Variants in PTP4A1 observed in about 807,000 individuals in gnomAD.
The protein encoded by PTP4A1 is protein tyrosine phosphatase type IVA 1.
A neutral mutation model predicts 20.5 loss-of-function variants in PTP4A1; 9 were observed. That is an observed-to-expected ratio of 0.44 (90% CI 0.26 to 0.77). PTP4A1 has a LOEUF of 0.77. PTP4A1 is among the 30% of genes least tolerant of loss of function. PTP4A1 has a pLI of 0.19. For missense variants in PTP4A1, 137 were observed against 218.8 expected (o/e 0.63, Z 2.36); for synonymous variants, 78 against 67.4 (o/e 1.16, Z -0.77).
At chr6:63,542,022 G>GGTGTGT (rs72091849) in intron 2 of PTP4A1, among the ~76,000 whole-genome samples, 4,615 of 146,774 alleles carry the variant, frequency 0.031, 148 homozygotes, top group East Asian at 0.14. Flanking sequence ...AAGAAACTGT[G>GGTGTGT]GTGTGTGTGT....
intron 1 of PTP4A1, among the ~76,000 whole-genome samples, chr6:63,526,177 T>C (rs1214430817): frequency 6.6e-6 from 1 of 151,902 alleles, no homozygotes; most frequent in African/African-American, 2.4e-5. Context: ...ATACAAAAAT[T>C]AGCTGGGCAT....
intron 2 of PTP4A1, among the ~76,000 whole-genome samples, chr6:63,530,584 T>A (rs1775409892): frequency 1.3e-5 from 2 of 152,118 alleles, no homozygotes; most frequent in African/African-American, 4.8e-5. Flanking sequence ...TTTGTGAACA[T>A]GGAGGCCCTT....
At chr6:63,575,484 T>A (rs1777793246) in intron 1 of PTP4A1, among the ~76,000 whole-genome samples, 1 of 152,210 alleles carries the variant, frequency 6.6e-6, no homozygotes, top group East Asian at 1.9e-4. Flanking sequence ...GGTTTAGTTC[T>A]TAAGGGGGAA....
chr6:63,578,126 A>G (rs1777990754), intron 2 of PTP4A1, among the ~76,000 whole-genome samples: 1 of 152,126 alleles, frequency 6.6e-6, no homozygotes, highest in South Asian at 2.1e-4. Context: ...TTTCATCCCA[A>G]TCCGGTATTA....
upstream of PTP4A1, among the ~76,000 whole-genome samples, chr6:63,569,612 C>G (rs1777333911): frequency 1.3e-5 from 2 of 152,182 alleles, no homozygotes; most frequent in Non-Finnish European, 2.9e-5. Context: ...CAACTGCTGG[C>G]TTTTATATTT....
intron 1 of PTP4A1, among the ~76,000 whole-genome samples, chr6:63,522,047 C>T (rs1462336958): frequency 6.6e-6 from 1 of 152,200 alleles, no homozygotes; most frequent in Admixed American, 6.5e-5. Flanking sequence ...CTTTTTCCCA[C>T]AGGCTTTGCC....
At chr6:63,555,700 T>C (rs974981303) in intron 3 of PTP4A1, among the ~76,000 whole-genome samples, 3 of 151,442 alleles carry the variant, frequency 2.0e-5, no homozygotes, top group Admixed American at 2.0e-4. Context: ...CTCTTTTTTT[T>C]TTTTTTTTTT....
At chr6:63,549,796 C>T (rs1776355845) in intron 2 of PTP4A1, among the ~76,000 whole-genome samples, 1 of 151,654 alleles carries the variant, frequency 6.6e-6, no homozygotes. Context: ...ACAGGGTATA[C>T]TAGAGGCTTG....
At chr6:63,568,357 T>C (rs1010245870), upstream of PTP4A1, among the ~76,000 whole-genome samples, 2 of 152,346 alleles carry the variant, frequency 1.3e-5, no homozygotes, top group East Asian at 3.9e-4. Flanking sequence ...AATTTCAGTA[T>C]TGCTGTGTCT....
intron 3 of PTP4A1, among the ~76,000 whole-genome samples, chr6:63,561,841 A>G (rs1230039348): frequency 6.6e-6 from 1 of 152,188 alleles, no homozygotes; most frequent in African/African-American, 2.4e-5. Flanking sequence ...ATCAGAACGA[A>G]AGTGATTATA....
intron 3 of PTP4A1, among the ~76,000 whole-genome samples, chr6:63,553,577 G>T (rs1776541173): frequency 6.6e-6 from 1 of 152,178 alleles, no homozygotes; most frequent in South Asian, 2.1e-4. Context: ...GCCTTGCCTG[G>T]ACATTAGCAC....
In PTP4A1 at chr6:63,581,824, T is replaced by G. The variant is rs1778251802; in HGVS notation, c.*1650T>G. On this transcript the variant is annotated 3_prime_UTR_variant, in exon 6 of 6. Coordinates refer to ENST00000626021, the MANE Select transcript of PTP4A1 (RefSeq NM_003463.5). ...GCAAATTAATAATTACATACCTTTA[T>G]AGATTTTGAAATTAATTTAAATATT... 1 of 152,200 alleles carries G rather than the reference T, an allele frequency of 6.6e-6. No homozygotes were observed. Among genetic ancestry groups the G allele is most frequent in the Non-Finnish European group, 1.5e-5 (1 of 68,006 alleles). 9.4% of individuals were successfully genotyped at this position (152,200 alleles called of 1,614,324 possible).
chr6:63,556,302 G>T (rs1043844115), intron 3 of PTP4A1, among the ~76,000 whole-genome samples: 1 of 151,900 alleles, frequency 6.6e-6, no homozygotes, highest in South Asian at 2.1e-4. Context: ...AGGAATACAG[G>T]TGTATAACAT....
intron 1 of PTP4A1, among the ~76,000 whole-genome samples, chr6:63,575,815 T>C (rs1278093156): frequency 2.6e-5 from 4 of 152,152 alleles, no homozygotes; most frequent in Non-Finnish European, 5.9e-5. Flanking sequence ...ATGGGAATGA[T>C]AACAGATTGT....
intron 2 of PTP4A1, among the ~76,000 whole-genome samples, chr6:63,533,013 A>G (rs1057373240): frequency 6.6e-6 from 1 of 152,214 alleles, no homozygotes; most frequent in Admixed American, 6.5e-5. Context: ...CTGCCTTTGA[A>G]GAGCTACTGA....
chr6:63,557,800 C>G (rs1024686145), intron 3 of PTP4A1, among the ~76,000 whole-genome samples: 12 of 151,984 alleles, frequency 7.9e-5, no homozygotes, highest in East Asian at 3.9e-4. Flanking sequence ...AGAGTTTGGA[C>G]TTTATCTAAA....
intron 2 of PTP4A1, among the ~76,000 whole-genome samples, chr6:63,543,316 CT>C (rs1776059054): frequency 6.6e-6 from 1 of 152,198 alleles, no homozygotes; most frequent in South Asian, 2.1e-4. Flanking sequence ...GATCTGAAAA[CT>C]TATTTTTCTT....
intron 3 of PTP4A1, among the ~76,000 whole-genome samples, chr6:63,551,103 T>C (rs573601338): frequency 9.2e-5 from 14 of 152,286 alleles, no homozygotes; most frequent in African/African-American, 3.1e-4. Context: ...TCTCCCTCTG[T>C]TGCCCAGGCT....
chr6:63,517,745 A>G (rs1024436739), upstream of PTP4A1, among the ~76,000 whole-genome samples: 29 of 152,224 alleles, frequency 1.9e-4, no homozygotes, highest in Non-Finnish European at 4.1e-4. Flanking sequence ...ATGGAGAATT[A>G]AAAATTAAGG....
Sources: allele counts gnomAD v4.1 joint callset (sites outside exome capture counted in the v4.1 genomes callset), GRCh38; gene constraint gnomAD v4.1.1; transcripts MANE v1.5; gene names NCBI Gene and HGNC (gene_info 2026-07-23, HGNC 2026-07-21).